Variants in WWOX observed in about 807,000 individuals in gnomAD.
WWOX encodes WW domain-containing oxidoreductase.
In WWOX, 69 loss-of-function variants were observed where a neutral mutation model predicts 46.2. The observed-to-expected ratio is 1.49, with a 90% CI of 1.23 to 1.82. The LOEUF is 1.82. Ranked by LOEUF, WWOX falls within the 40% of genes most tolerant of loss-of-function variation. The pLI, the probability that WWOX is intolerant of heterozygous loss-of-function variation, is 0.00. For synonymous variants in WWOX, 359 were observed against 202.6 expected (o/e 1.77, Z -6.56); for missense variants, 919 against 542.6 (o/e 1.69, Z -6.89).
intron 8 of WWOX, among the ~76,000 whole-genome samples, chr16:78,654,711 A>G (rs1235401813): frequency 2.0e-5 from 3 of 151,982 alleles, no homozygotes; most frequent in Non-Finnish European, 4.4e-5. Context: ...AAACCTAAAA[A>G]TAAGATTTTG....
chr16:78,967,089 A>G (rs961633074), intron 8 of WWOX, among the ~76,000 whole-genome samples: 5 of 152,030 alleles, frequency 3.3e-5, no homozygotes, highest in African/African-American at 9.7e-5. Flanking sequence ...AACTTTCCCC[A>G]TAGTCATGCA....
chr16:78,536,956 A>C (rs1337252446), intron 8 of WWOX, among the ~76,000 whole-genome samples: 2 of 137,864 alleles, frequency 1.5e-5, no homozygotes, highest in Non-Finnish European at 3.0e-5. Context: ...TCACTCTGTC[A>C]CCCAGACTGG....
chr16:78,438,939 C>T (rs957093145), intron 8 of WWOX, among the ~76,000 whole-genome samples: 8 of 152,124 alleles, frequency 5.3e-5, no homozygotes, highest in South Asian at 2.1e-4. Context: ...TTGAATAACC[C>T]GCTGCAGGGT....
chr16:78,279,845 T>C (rs1041232081), intron 5 of WWOX, among the ~76,000 whole-genome samples: 2 of 152,208 alleles, frequency 1.3e-5, no homozygotes, highest in South Asian at 2.1e-4. Context: ...GGGGATGCAG[T>C]ATGGATGTAT....
In WWOX at chr16:78,228,626, G is replaced by T. The variant is rs1690329782; in HGVS notation, c.516+64337G>T. ...CAAAGTGCTGGGATTACAGGTGTGA[G>T]CCACTGTATCTGGCCTAGGAATCAT... On this transcript the variant is annotated intron_variant, in intron 5 of 8. Transcript: ENST00000566780. Among the ~76,000 whole-genome samples, 3 of 152,180 alleles carry T rather than the reference G, an allele frequency of 2.0e-5. No individual in the cohort carries two copies. The South Asian group carries it at 6.2e-4, about 31-fold the overall frequency.
At chr16:78,924,384 T>G (rs923149383) in intron 8 of WWOX, among the ~76,000 whole-genome samples, 3 of 152,196 alleles carry the variant, frequency 2.0e-5, no homozygotes, top group African/African-American at 7.2e-5. Flanking sequence ...AAAATGGAAC[T>G]TGTCTATCCA....
At chr16:78,961,185 C>G (rs772962539) in intron 8 of WWOX, among the ~76,000 whole-genome samples, 4 of 152,084 alleles carry the variant, frequency 2.6e-5, no homozygotes, top group Non-Finnish European at 4.4e-5. Flanking sequence ...GTCCTTTATG[C>G]AGGGATGGTG....
intron 6 of WWOX, among the ~76,000 whole-genome samples, chr16:78,422,672 T>TACACACAC (rs1320883721): frequency 4.6e-5 from 3 of 65,536 alleles, no homozygotes; most frequent in Admixed American, 1.8e-4. Flanking sequence ...TGTATATATA[T>TACACACAC]ATATATATAT....
chr16:78,934,472 G>T (rs916869873), intron 8 of WWOX, among the ~76,000 whole-genome samples: 1 of 137,334 alleles, frequency 7.3e-6, no homozygotes, highest in Non-Finnish European at 1.5e-5. Flanking sequence ...TCACGCCACT[G>T]CACTGCAGCC....
At chr16:78,311,593 G>A (rs74390614) in intron 5 of WWOX, among the ~76,000 whole-genome samples, 3,390 of 152,268 alleles carry the variant, frequency 0.022, 39 homozygotes, top group Non-Finnish European at 0.033. Flanking sequence ...AAATACATGT[G>A]CAGAAATGCA....
At chr16:78,596,099 A>G (rs913729913) in intron 8 of WWOX, among the ~76,000 whole-genome samples, 11 of 152,184 alleles carry the variant, frequency 7.2e-5, no homozygotes, top group Non-Finnish European at 1.6e-4. Context: ...ATGTGTGACT[A>G]TATATGTATT....
At chr16:78,875,751 T>C (rs1369049830) in intron 8 of WWOX, among the ~76,000 whole-genome samples, 2 of 152,312 alleles carry the variant, frequency 1.3e-5, no homozygotes, top group East Asian at 3.9e-4. Flanking sequence ...CCCTTTCAAC[T>C]GGCCTGTCAG....
intron 8 of WWOX, among the ~76,000 whole-genome samples, chr16:78,538,708 G>C (rs1386589042): frequency 6.6e-6 from 1 of 152,128 alleles, no homozygotes; most frequent in Admixed American, 6.6e-5. Context: ...ATTGTTAAGG[G>C]ACCAGGTTAA....
intron 8 of WWOX, among the ~76,000 whole-genome samples, chr16:78,938,550 C>T (rs2045789488): frequency 1.3e-5 from 2 of 152,072 alleles, no homozygotes; most frequent in Admixed American, 1.3e-4. Flanking sequence ...CAACTGGCAA[C>T]AGTGGGTTTT....
intron 5 of WWOX, among the ~76,000 whole-genome samples, chr16:78,309,023 A>G (rs561412369): frequency 6.6e-6 from 1 of 152,094 alleles, no homozygotes; most frequent in African/African-American, 2.4e-5. Context: ...TCCCCACCCA[A>G]AATCAGTCCT....
At chr16:78,167,393 T>C (rs1466216384) in intron 5 of WWOX, 1 of 152,182 alleles carries the variant, frequency 6.6e-6, no homozygotes, top group Non-Finnish European at 1.5e-5. Context: ...TGAGTCAATT[T>C]CCGATGATAG....
intron 8 of WWOX, among the ~76,000 whole-genome samples, chr16:78,609,590 G>T (rs2045850027): frequency 1.3e-5 from 2 of 149,836 alleles, no homozygotes. Flanking sequence ...CTAGGAGACA[G>T]TGATTCCCTG....
At chr16:78,613,135 G>A (rs528955300) in intron 8 of WWOX, among the ~76,000 whole-genome samples, 1 of 152,156 alleles carries the variant, frequency 6.6e-6, no homozygotes, top group Admixed American at 6.5e-5. Flanking sequence ...TTGCTCCTCT[G>A]CTCACAATGA....
At chr16:78,842,509 G>C (rs1390214022) in intron 8 of WWOX, among the ~76,000 whole-genome samples, 1 of 151,928 alleles carries the variant, frequency 6.6e-6, no homozygotes, top group Non-Finnish European at 1.5e-5. Flanking sequence ...TTTCGAAAAA[G>C]AAAACAAAAA....
Sources: gnomAD v4.1 joint callset for allele counts (sites outside exome capture counted in the v4.1 genomes callset) on GRCh38, gnomAD v4.1.1 for gene constraint, MANE v1.5 for transcripts, NCBI Gene and HGNC (gene_info 2026-07-23, HGNC 2026-07-21) for gene names.